Variants in PAX5 observed in about 807,000 individuals in gnomAD.
PAX5 encodes the protein paired box 5.
Under a neutral mutation model 43.7 loss-of-function variants are expected in PAX5, and 9 were observed. That is an observed-to-expected ratio of 0.21 (90% confidence interval 0.12 to 0.36). The LOEUF is 0.36. Among genes scored for constraint, PAX5 ranks in the 10% least tolerant of loss-of-function variants. The probability of loss-of-function intolerance (pLI) is 1.00; values close to 1 mark genes in which losing one functional copy is unlikely to be tolerated. For missense variants in PAX5, 383 were observed against 532.7 expected, an observed-to-expected ratio of 0.72 and a Z score of 2.77; for synonymous variants, 228 against 214.3, an observed-to-expected ratio of 1.06 and a Z score of -0.56.
chr9:36,993,018 GT>G (rs1355958242), intron 5 of PAX5, among the ~76,000 whole-genome samples: 2 of 152,208 alleles, frequency 1.3e-5, no homozygotes, highest in Admixed American at 6.5e-5. Flanking sequence ...TGCTGCACCT[GT>G]TATTTTCATA....
At chr9:36,935,569 C>A (rs1488287766) in intron 6 of PAX5, among the ~76,000 whole-genome samples, 2 of 152,136 alleles carry the variant, frequency 1.3e-5, no homozygotes, top group Admixed American at 6.5e-5. Flanking sequence ...AGGGAGGCCA[C>A]CAAAGTCAGA....
At chr9:36,867,981 G>T (rs1244386280) in intron 8 of PAX5, among the ~76,000 whole-genome samples, 1 of 152,188 alleles carries the variant, frequency 6.6e-6, no homozygotes, top group Non-Finnish European at 1.5e-5. Context: ...GTCACCCCGC[G>T]TTCCCGGCCC....
At chr9:36,962,450 C>A (rs188351497) in intron 6 of PAX5, among the ~76,000 whole-genome samples, 10 of 152,230 alleles carry the variant, frequency 6.6e-5, no homozygotes, top group African/African-American at 2.4e-4. Context: ...CAATGGGGCT[C>A]CCGAATCATG....
chr9:36,961,262 G>A (rs1295857874), intron 6 of PAX5, among the ~76,000 whole-genome samples: 1 of 152,232 alleles, frequency 6.6e-6, no homozygotes, highest in Non-Finnish European at 1.5e-5. Context: ...AGGGGGCAAA[G>A]CAGCTGATGA....
chr9:37,021,689 C>T (rs1410027917), intron 1 of PAX5, among the ~76,000 whole-genome samples: 7 of 152,176 alleles, frequency 4.6e-5, no homozygotes, highest in Non-Finnish European at 2.9e-5. Flanking sequence ...CCTTCTCTTA[C>T]ATCAAGGTCC....
intron 6 of PAX5, among the ~76,000 whole-genome samples, chr9:36,927,291 G>C (rs1006824352): frequency 6.6e-6 from 1 of 152,162 alleles, no homozygotes; most frequent in Non-Finnish European, 1.5e-5. Flanking sequence ...GACATGGGCT[G>C]GGCTGCTGGG....
chr9:36,871,169 TCTGCCACCTGCTGTGTGGC>T (rs1171387009), intron 8 of PAX5, among the ~76,000 whole-genome samples: 2 of 152,172 alleles, frequency 1.3e-5, no homozygotes, highest in Non-Finnish European at 2.9e-5. Context: ...GTCAGGCTGC[TCTGCCACCTGCTGTGTGGC>T]AGGGGCTGAG....
Position 36,966,596 on chromosome 9 carries a change from G to T in PAX5, c.733C>A (p.His245Asn), listed in dbSNP as rs1564019300. 6.2e-7 allele frequency: 1 copy of T among 1,614,204 alleles called. No individual in the cohort carries two copies. The highest frequency in any genetic ancestry group is 8.5e-7 in the Non-Finnish European group (1 of 1,180,032). Residue 245 changes from histidine to asparagine, a missense_variant, in exon 6 of 10, where the codon CAC becomes AAC. Physicochemically the swap from His to Asn is moderately conservative, Grantham distance 68 (BLOSUM62 1). Around this residue, in one of 5 missense-constraint regions of PAX5, gnomAD observed 291 missense variants for 342.5 expected, o/e 0.85. Transcript: ENST00000358127. ...GTGGTGGTGAAGATGTCTGAGTAGT[G>T]CTGCCTCTCAAACACGCGGTCCAGC... The part of the protein sequence containing the change: ...EVLDRVFERQ[H>N]YSDIFTTTEP...
At chr9:36,879,004 G>GGA (rs1826159905) in intron 8 of PAX5, among the ~76,000 whole-genome samples, 10 of 152,178 alleles carry the variant, frequency 6.6e-5, no homozygotes, top group Admixed American at 5.9e-4. Context: ...AAGAATGGAG[G>GGA]GAGAGAGAGA....
chr9:36,851,509 G>A (rs573071711), intron 8 of PAX5, among the ~76,000 whole-genome samples: 4 of 152,290 alleles, frequency 2.6e-5, no homozygotes, highest in African/African-American at 7.2e-5. Context: ...AGAATGTCCC[G>A]AGAAGCCTGA....
At chr9:36,965,787 G>C (rs1834376894) in intron 6 of PAX5, among the ~76,000 whole-genome samples, 1 of 152,188 alleles carries the variant, frequency 6.6e-6, no homozygotes, top group South Asian at 2.1e-4. Flanking sequence ...TAGCCTGCAA[G>C]GTTACCTGTC....
At chr9:36,909,814 ATTTTTTTT>A (rs752114508) in intron 7 of PAX5, among the ~76,000 whole-genome samples, 3 of 91,872 alleles carry the variant, frequency 3.3e-5, no homozygotes, top group South Asian at 4.3e-4. Flanking sequence ...AGACATTTTA[ATTTTTTTT>A]TTTTTTTTTT....
chr9:37,012,417 G>A (rs1839014253), intron 3 of PAX5, among the ~76,000 whole-genome samples: 1 of 152,154 alleles, frequency 6.6e-6, no homozygotes, highest in East Asian at 1.9e-4. Flanking sequence ...ATAGAGTCAA[G>A]CCTTAAGGAC....
intron 6 of PAX5, among the ~76,000 whole-genome samples, chr9:36,924,783 A>AAGGAAGGAAG (rs1830494374): frequency 5.0e-5 from 1 of 19,836 alleles, no homozygotes; most frequent in South Asian, 2.4e-3. Context: ...AAGGAAGGAA[A>AAGGAAGGAAG]AGAGAAAGGG....
chr9:37,000,543 A>G (rs1837756289), intron 5 of PAX5, among the ~76,000 whole-genome samples: 2 of 152,240 alleles, frequency 1.3e-5, no homozygotes, highest in Admixed American at 1.3e-4. Context: ...ACTTGAAGTC[A>G]GGAGTCCAGG....
chr9:36,840,840 G>A (rs1011572186), intron 9 of PAX5, among the ~76,000 whole-genome samples: 8 of 152,190 alleles, frequency 5.3e-5, no homozygotes, highest in African/African-American at 1.9e-4. Context: ...TCGCCATCTA[G>A]AGCTGGGGTC....
At chr9:36,995,268 G>A (rs950343121) in intron 5 of PAX5, among the ~76,000 whole-genome samples, 5 of 152,248 alleles carry the variant, frequency 3.3e-5, no homozygotes, top group Non-Finnish European at 5.9e-5. Flanking sequence ...ATCCCCACAG[G>A]GGAGTGGGCT....
At chr9:37,030,754 C>A (rs62533714) in intron 1 of PAX5, among the ~76,000 whole-genome samples, 13,621 of 152,270 alleles carry the variant, frequency 0.089, 844 homozygotes, top group East Asian at 0.12. Flanking sequence ...CTTCCCTTTC[C>A]ACGCCTCCCA....
chr9:36,960,631 G>T (rs934844713), intron 6 of PAX5, among the ~76,000 whole-genome samples: 1 of 152,194 alleles, frequency 6.6e-6, no homozygotes, highest in Non-Finnish European at 1.5e-5. Flanking sequence ...CTTCCAAGGT[G>T]AGCAGAATAA....
Sources: allele counts gnomAD v4.1 joint callset (sites outside exome capture counted in the v4.1 genomes callset), GRCh38; gene constraint gnomAD v4.1.1; regional missense constraint gnomAD v4.1.1; transcripts MANE v1.5; gene names NCBI Gene and HGNC (gene_info 2026-07-23, HGNC 2026-07-21).